Variants in WRAP53 observed in about 807,000 individuals in gnomAD.
WRAP53 encodes telomerase Cajal body protein 1.
In WRAP53, 28 loss-of-function variants were observed where a neutral mutation model predicts 56.6. The observed-to-expected ratio is 0.50, with a 90% CI of 0.37 to 0.68. The LOEUF is 0.68. Ranked by LOEUF, WRAP53 falls within the 30% of genes least tolerant of loss-of-function variation. The probability of loss-of-function intolerance (pLI) is 0.00; values close to 1 mark genes in which losing one functional copy is unlikely to be tolerated. For synonymous variants in WRAP53, 283 were observed against 283.4 expected (o/e 1.00, Z 0.01); for missense variants, 671 against 715.5 (o/e 0.94, Z 0.71).
At chr17:7,690,678 G>T (rs1193429452) in intron 4 of WRAP53, among the ~76,000 whole-genome samples, 1 of 152,222 alleles carries the variant, frequency 6.6e-6, no homozygotes, top group Non-Finnish European at 1.5e-5. Context: ...TCAGGAGGCC[G>T]AGGTGTGCAG....
rs557201116 is a variant in WRAP53, at chr17:7,695,190, C to T, written c.642+5489C>T. Among the ~76,000 whole-genome samples the T allele has an allele frequency of 1.4e-4, 22 of 151,938 alleles. 2 individuals carry two copies. In the South Asian group the frequency reaches 4.4e-3, roughly 30 times the overall value. On this transcript the variant is annotated intron_variant, in intron 4 of 10. Transcript: ENST00000396463. The stretch of plus-strand genomic sequence containing the variant: ...CAGGATGGTCTCGATCTCCTGACCT[C>T]GTGATCCGCCCGCCTTGGCCTCTCA...
At chr17:7,699,510 A>ATTTT (rs1567577600) in intron 4 of WRAP53, among the ~76,000 whole-genome samples, 1 of 26,274 alleles carries the variant, frequency 3.8e-5, no homozygotes, top group South Asian at 1.1e-3. Context: ...ATTTATATAT[A>ATTTT]TATATATATA....
In WRAP53 at chr17:7,696,290, A is replaced by ATTTTT. The variant is rs35901058; in HGVS notation, c.643-4429_643-4425dup. Among the ~76,000 whole-genome samples the ATTTTT allele has an allele frequency of 2.0e-4, 16 of 79,924 alleles. 2 individuals are homozygous for ATTTTT. The highest frequency in any genetic ancestry group is 1.3e-3 in the East Asian group (3 of 2,354). 52.4% of individuals were successfully genotyped at this position (79,924 alleles called of 152,430 possible). ...AGAGTCAAAATGGCGGGACTCAGAG[A>ATTTTT]TTTTTTTTTTTTTTTTTTTTTTTTT... is the stretch of plus-strand genomic sequence containing the variant. On this transcript the variant is annotated intron_variant, in intron 4 of 10. Coordinates refer to ENST00000396463, the MANE Select transcript of WRAP53 (RefSeq NM_001143992.2).
At chr17:7,693,738 A>T (rs8076772) in intron 4 of WRAP53, among the ~76,000 whole-genome samples, 2,402 of 152,156 alleles carry the variant, frequency 0.016, 67 homozygotes, top group African/African-American at 0.053. Flanking sequence ...AATAAAATTA[A>T]AAAAAAGTAC....
chr17:7,691,788 G>T (rs1012616167), intron 4 of WRAP53, among the ~76,000 whole-genome samples: 3 of 151,812 alleles, frequency 2.0e-5, no homozygotes, highest in African/African-American at 7.3e-5. Flanking sequence ...GCCTTCCAAA[G>T]TGCTAGGATT....
At position 7,702,799 on chromosome 17, in the gene WRAP53, G is replaced by A; in HGVS notation, c.1221G>A (p.Leu407=). ...LRQSGYPLWS[L]GREVTTNQRI... ...AGTCTGGTTACCCACTGTGGTCCCT[G>A]GGTCGAGAGGTGACCACCAATCAGC... The change falls in exon 9 of 11, where the codon CTG becomes CTA. Residue 407 remains leucine, a synonymous_variant. Coordinates refer to ENST00000396463, the MANE Select transcript of WRAP53 (RefSeq NM_001143992.2). This position sits in a 1 kb window ranked among gnomAD's most constrained non-coding sequence, Gnocchi z 5.0. 1 of 1,613,988 alleles carries A rather than the reference G, an allele frequency of 6.2e-7. No individual in the cohort carries two copies. Among genetic ancestry groups the A allele is most frequent in the Non-Finnish European group, 8.5e-7 (1 of 1,180,020 alleles).
At position 7,701,570 on chromosome 17, in the gene WRAP53, C is replaced by T. The variant is rs763258702; in HGVS notation, c.822+21C>T. 23 of 1,614,238 alleles carry T rather than the reference C, an allele frequency of 1.4e-5. No homozygotes were observed. The highest frequency in any genetic ancestry group is 1.9e-5 in the Non-Finnish European group (23 of 1,180,034). ...ACCTGGTAGGGACCGCCATACTCAG[C>T]CCCAGCACTCGTACTGGCCCGGCTC... On this transcript the variant is annotated intron_variant, in intron 6 of 10. Transcript: ENST00000396463. The surrounding 1 kb of genome is among the most constrained non-coding windows in gnomAD (Gnocchi z 4.2).
At position 7,703,348 on chromosome 17, in the gene WRAP53, C is replaced by T. The variant is rs1191339598; in HGVS notation, c.1509C>T (p.Leu503=). Reference sequence around the variant, plus strand: ...GAGAGGAGCTGGGCCTTCCCTTGCTCTCCACGCGCCACGTCCACCTTGAAT... The same window carrying T: ...GAGAGGAGCTGGGCCTTCCCTTGCTTTCCACGCGCCACGTCCACCTTGAAT... ...DEGEELGLPL[L]STRHVHLECR... is the part of the protein sequence containing the mutation. Residue 503 remains leucine, a synonymous_variant, in exon 11 of 11, where the codon CTC becomes CTT. Coordinates refer to ENST00000396463, the MANE Select transcript of WRAP53 (RefSeq NM_001143992.2). 6.2e-7 allele frequency: 1 copy of T among 1,614,002 alleles called. No individual in the cohort carries two copies.
At chr17:7,691,335 G>A (rs1453077242) in intron 4 of WRAP53, among the ~76,000 whole-genome samples, 1 of 151,906 alleles carries the variant, frequency 6.6e-6, no homozygotes, top group South Asian at 2.1e-4. Context: ...CAGCCACGTC[G>A]TGTTGGTTCT....
At position 7,688,565 on chromosome 17, in the gene WRAP53, G is replaced by A. The variant is rs1336613336; in HGVS notation, c.-2+4G>A. 1 of 1,479,390 alleles carries A rather than the reference G, an allele frequency of 6.8e-7. No homozygotes were observed. The highest frequency in any genetic ancestry group is 1.4e-5 in the African/African-American group (1 of 71,638). The allele number at this position is 1,479,390 out of a possible 1,614,324, so 91.6% of individuals were successfully genotyped here. On this transcript the variant is annotated splice_donor_region_variant and intron_variant, in intron 1 of 10. Coordinates refer to ENST00000396463, the MANE Select transcript of WRAP53 (RefSeq NM_001143992.2). The stretch of plus-strand genomic sequence containing the variant: ...CCAGAAGAGGAGGGAAGCACAGGTG[G>A]GTTTCTTTAGCTCTGCGTCGGATCC...
At chr17:7,686,236 T>G (rs1203719496), upstream of WRAP53, 2 of 152,236 alleles carry the variant, frequency 1.3e-5, no homozygotes, top group Admixed American at 1.3e-4. Context: ...TAGATTGTTT[T>G]TCCGACAAAT....
intron 4 of WRAP53, among the ~76,000 whole-genome samples, chr17:7,699,488 A>T (rs1174595569): frequency 5.7e-4 from 8 of 14,134 alleles, no homozygotes; most frequent in South Asian, 4.9e-3. Context: ...ATATATATAT[A>T]TATATATATA....
intron 4 of WRAP53, 129 bp from the exon 5 acceptor site, chr17:7,700,612 C>G: frequency 2.7e-6 from 2 of 750,894 alleles, no homozygotes; most frequent in South Asian, 2.7e-5. Flanking sequence ...AGTCTGAGCT[C>G]ACCCTTGAAC....
At chr17:7,689,533 G>A in intron 3 of WRAP53, 57 bp from the exon 4 acceptor site, 3 of 1,543,406 alleles carry the variant, frequency 1.9e-6, no homozygotes, top group East Asian at 2.2e-5. Flanking sequence ...CTCAGCCCTA[G>A]CCCTACACTT....
At chr17:7,690,097 C>T (rs1238065715) in intron 4 of WRAP53, among the ~76,000 whole-genome samples, 3 of 152,110 alleles carry the variant, frequency 2.0e-5, no homozygotes, top group Non-Finnish European at 4.4e-5. Context: ...TACAGGCGCA[C>T]GCCATCACAC....
intron 4 of WRAP53, among the ~76,000 whole-genome samples, chr17:7,698,981 G>T (rs1424608705): frequency 6.6e-6 from 1 of 151,934 alleles, no homozygotes; most frequent in East Asian, 1.9e-4. Context: ...GTTTGCTTGA[G>T]CCCAGGAGTT....
intron 4 of WRAP53, among the ~76,000 whole-genome samples, chr17:7,699,224 A>G (rs892951676): frequency 6.6e-6 from 1 of 151,076 alleles, no homozygotes; most frequent in Non-Finnish European, 1.5e-5. Flanking sequence ...GTTCGAGACC[A>G]GCCTGGCCAA....
upstream of WRAP53, chr17:7,686,116 G>C (rs2073952960): frequency 6.6e-6 from 1 of 152,252 alleles, no homozygotes; most frequent in African/African-American, 2.4e-5. Context: ...GCTCGGGCCG[G>C]AGGGCTGCAC....
Position 7,688,545 on chromosome 17 carries a change from AGAG to A in WRAP53, c.-13_-11del, listed in dbSNP as rs2151084330. On this transcript the variant is annotated 5_prime_UTR_variant, in exon 1 of 11. Transcript: ENST00000396463. ...CGGGAGTCTTCTGCCTACTCCCAGA[AGAG>A]GAGGGAAGCACAGGTGGGTTTCTTT... The A allele has an allele frequency of 1.6e-6, 2 of 1,275,508 alleles. No individual in the cohort carries two copies. Among genetic ancestry groups the A allele is most frequent in the East Asian group, 2.5e-5 (1 of 39,818 alleles). The allele number at this position is 1,275,508 out of a possible 1,614,324, so 79.0% of individuals were successfully genotyped here. A position where few individuals can be genotyped will look rare whatever the true frequency, so the allele number is the denominator to read the frequency against.
Sources: allele counts gnomAD v4.1 joint callset (sites outside exome capture counted in the v4.1 genomes callset), GRCh38; gene constraint gnomAD v4.1.1; non-coding constraint Gnocchi (gnomAD v3.1); transcripts MANE v1.5; gene names NCBI Gene and HGNC (gene_info 2026-07-23, HGNC 2026-07-21).